Variants in ZC3H4 observed in about 807,000 individuals in gnomAD.
ZC3H4 encodes the protein zinc finger CCCH domain-containing protein 4.
ZC3H4 carries 13 observed loss-of-function variants against 108.3 expected under a neutral mutation model. That is an observed-to-expected ratio of 0.12 (90% CI 0.08 to 0.19). The LOEUF (loss-of-function observed/expected upper bound fraction) is 0.19, where lower values mean the gene tolerates loss of function less well. Among genes scored for constraint, ZC3H4 ranks in the 10% least tolerant of loss-of-function variants. The pLI, the probability that ZC3H4 is intolerant of heterozygous loss-of-function variation, is 1.00. For missense variants in ZC3H4, 1,734 were observed against 1,838.8 expected, an observed-to-expected ratio of 0.94 and a Z score of 1.04; for synonymous variants, 917 against 749.6, an observed-to-expected ratio of 1.22 and a Z score of -3.65.
intron 1 of ZC3H4, among the ~76,000 whole-genome samples, chr19:47,113,025 G>T (rs577616565): frequency 1.3e-5 from 2 of 152,360 alleles, no homozygotes; most frequent in African/African-American, 4.8e-5. Context: ...GAGGGAACGG[G>T]CCGCGGAGAC....
intron 2 of ZC3H4, among the ~76,000 whole-genome samples, chr19:47,098,970 A>G (rs1221708335): frequency 6.6e-6 from 1 of 152,106 alleles, no homozygotes; most frequent in Non-Finnish European, 1.5e-5. Context: ...GATCTACTGA[A>G]TGGGATAACA....
rs1439180242 is a variant in ZC3H4 at position 47,066,870 on chromosome 19, T to C, written c.3398A>G (p.Gln1133Arg). The change falls in exon 15 of 15, where the codon CAG becomes CGG. Residue 1133 changes from glutamine to arginine, a missense_variant. Physicochemically the swap from Gln to Arg is conservative, Grantham distance 43. Around this residue, in one of 9 missense-constraint regions of ZC3H4, gnomAD observed 518 missense variants for 499.6 expected, o/e 1.04. Transcript: ENST00000253048. ...PRVLAAGGLG[Q>R]GGGGGQSSVL... ...ACTGCTCTGCCCGCCCCCTCCGCCC[T>C]GGCCCAGTCCACCGGCCGCCAGCAC... The C allele has an allele frequency of 6.3e-7, 1 of 1,598,704 alleles. No individual in the cohort carries two copies. The highest frequency in any genetic ancestry group is 8.5e-7 in the Non-Finnish European group (1 of 1,179,004).
intron 13 of ZC3H4, among the ~76,000 whole-genome samples, chr19:47,070,331 C>T (rs891189016): frequency 6.6e-6 from 1 of 152,168 alleles, no homozygotes; most frequent in Admixed American, 6.5e-5. Context: ...GATGGGCCAG[C>T]CTGCTCTATG....
Position 47,065,170 on chromosome 19 carries a change from G to T in ZC3H4, c.*1186C>A, listed in dbSNP as rs1024957007. 1.3e-5 allele frequency: 2 copies of T among 152,252 alleles called. No individual in the cohort carries two copies. The highest frequency in any genetic ancestry group is 6.5e-5 in the Admixed American group (1 of 15,282). 9.4% of individuals were successfully genotyped at this position (152,252 alleles called of 1,614,324 possible). ...CTCAGCCAGGGTGGGAGCATGGGGGGAGCAGAGGCTCCCCATCCCCTGGCT... is the reference window on the plus strand; with the variant it reads ...CTCAGCCAGGGTGGGAGCATGGGGGTAGCAGAGGCTCCCCATCCCCTGGCT... On this transcript the variant is annotated 3_prime_UTR_variant, in exon 15 of 15. Coordinates refer to ENST00000253048, the MANE Select transcript of ZC3H4 (RefSeq NM_015168.2).
At chr19:47,100,730 ACT>A (rs1295725674) in intron 2 of ZC3H4, among the ~76,000 whole-genome samples, 1 of 151,938 alleles carries the variant, frequency 6.6e-6, no homozygotes, top group African/African-American at 2.4e-5. Flanking sequence ...CGGGGATCTT[ACT>A]CTGTCGCCCA....
At chr19:47,107,648 T>C (rs978365513) in intron 2 of ZC3H4, among the ~76,000 whole-genome samples, 20 of 151,036 alleles carry the variant, frequency 1.3e-4, no homozygotes, top group Non-Finnish European at 2.9e-5. Context: ...TAATCCTGCG[T>C]TCTGTTAAGA....
At chr19:47,076,314 TGC>T (rs747893401) in intron 11 of ZC3H4, among the ~76,000 whole-genome samples, 8 of 78,048 alleles carry the variant, frequency 1.0e-4, no homozygotes, top group East Asian at 2.3e-4. Flanking sequence ...CATGCACGCG[TGC>T]GCGCGCGCGC....
intron 11 of ZC3H4, among the ~76,000 whole-genome samples, chr19:47,077,664 T>G (rs2057446959): frequency 1.3e-5 from 2 of 152,076 alleles, no homozygotes; most frequent in African/African-American, 4.8e-5. Context: ...GAGACCAGCC[T>G]GACAAACGTG....
At chr19:47,101,470 TCTCCTGCCTTGGCCTC>T (rs1204536797) in intron 2 of ZC3H4, among the ~76,000 whole-genome samples, 2 of 151,932 alleles carry the variant, frequency 1.3e-5, no homozygotes, top group African/African-American at 4.8e-5. Context: ...GCCTTGGCCT[TCTCCTGCCTTGGCCTC>T]CCAAAGTTCT....
chr19:47,074,388 C>G (rs1402041337), intron 11 of ZC3H4, among the ~76,000 whole-genome samples: 1 of 152,194 alleles, frequency 6.6e-6, no homozygotes, highest in Non-Finnish European at 1.5e-5. Context: ...AGGGCCCCCA[C>G]GAGACCTGAT....
At chr19:47,075,992 C>G (rs1012222856) in intron 11 of ZC3H4, among the ~76,000 whole-genome samples, 1 of 152,234 alleles carries the variant, frequency 6.6e-6, no homozygotes, top group East Asian at 1.9e-4. Context: ...CTAGCCAGGA[C>G]AGACTATCAG....
intron 11 of ZC3H4, among the ~76,000 whole-genome samples, chr19:47,074,182 A>C (rs1052511665): frequency 6.6e-6 from 1 of 152,170 alleles, no homozygotes; most frequent in African/African-American, 2.4e-5. Flanking sequence ...AACGTCACTC[A>C]ACTGTTGAGG....
At position 47,091,744 on chromosome 19, in the gene ZC3H4, T is replaced by A. The variant is rs1184856550; in HGVS notation, c.493-1555A>T. ...CTACTAAAAATACAAAAAAAAAAAA[T>A]TTGCCAGGTGTGGTGGTGGGCGCCT... On this transcript the variant is annotated intron_variant, in intron 4 of 14. Transcript: ENST00000253048. Among the ~76,000 whole-genome samples the A allele has an allele frequency of 3.4e-5, 5 of 148,086 alleles. No individual in the cohort carries two copies. In the East Asian group the frequency reaches 6.0e-4, roughly 18 times the overall value.
intron 11 of ZC3H4, among the ~76,000 whole-genome samples, chr19:47,076,127 C>T (rs918400374): frequency 1.3e-5 from 2 of 152,238 alleles, no homozygotes; most frequent in Non-Finnish European, 2.9e-5. Context: ...TGGTCACCAA[C>T]GCTGTTGCCT....
chr19:47,094,658 C>A (rs749624234), intron 2 of ZC3H4, 50 bp from the exon 3 acceptor site: 2 of 1,591,708 alleles, frequency 1.3e-6, no homozygotes, highest in Non-Finnish European at 1.7e-6. Context: ...GAGAGGAGAC[C>A]TCCTAGGGCT....
chr19:47,091,892 CTAAA>C (rs1347832496), intron 4 of ZC3H4, among the ~76,000 whole-genome samples: 1 of 152,054 alleles, frequency 6.6e-6, no homozygotes, highest in African/African-American at 2.4e-5. Context: ...GACTCCATCT[CTAAA>C]TAAATGAATG....
At chr19:47,112,393 G>A in intron 2 of ZC3H4, 31 bp downstream of exon 2, 1 of 1,232,464 alleles carries the variant, frequency 8.1e-7, no homozygotes, top group South Asian at 4.1e-5. Context: ...TCCCCCCGGG[G>A]ACGCAGCCCC....
At chr19:47,075,739 G>A (rs1030998073) in intron 11 of ZC3H4, among the ~76,000 whole-genome samples, 3 of 152,150 alleles carry the variant, frequency 2.0e-5, no homozygotes, top group Non-Finnish European at 2.9e-5. Context: ...TTGAGTGAAC[G>A]ACTAAGCAAG....
intron 4 of ZC3H4, 98 bp from the exon 5 acceptor site, chr19:47,090,287 C>T: frequency 7.6e-7 from 1 of 1,308,984 alleles, no homozygotes; most frequent in Non-Finnish European, 1.1e-6. Context: ...ACATGTCTGT[C>T]TGGGTGTCAC....
Sources: allele counts gnomAD v4.1 joint callset (sites outside exome capture counted in the v4.1 genomes callset), GRCh38; gene constraint gnomAD v4.1.1; regional missense constraint gnomAD v4.1.1; transcripts MANE v1.5; gene names NCBI Gene and HGNC (gene_info 2026-07-23, HGNC 2026-07-21).